The following DLC1 variants were observed in gnomAD, a reference collection of about 807,000 sequenced individuals.
DLC1 encodes the protein DLC1 Rho GTPase activating protein.
In DLC1, 54 loss-of-function variants were observed where a neutral mutation model predicts 140.3. The ratio of observed to expected loss-of-function variants is 0.38; its 90% confidence interval spans 0.31 to 0.48. The LOEUF is 0.48. DLC1 is among the 20% of genes least tolerant of loss of function. The pLI is 0.96. For missense variants in DLC1, 2,536 were observed against 1,907.0 expected (o/e 1.33, Z -6.14); for synonymous variants, 986 against 728.1 (o/e 1.35, Z -5.70).
At chr8:13,453,520 A>T (rs1009652111) in intron 2 of DLC1, among the ~76,000 whole-genome samples, 2 of 44,312 alleles carry the variant, frequency 4.5e-5, no homozygotes, top group Non-Finnish European at 8.2e-5. Flanking sequence ...ATATACATAT[A>T]TATATATGTA....
intron 5 of DLC1, among the ~76,000 whole-genome samples, chr8:13,297,704 A>G (rs1212247264): frequency 6.6e-6 from 1 of 152,200 alleles, no homozygotes; most frequent in Non-Finnish European, 1.5e-5. Context: ...CTTTCCAAAG[A>G]GAAGTCTGAA....
At chr8:13,535,245 G>A (rs1481687) in intron 1 of DLC1, among the ~76,000 whole-genome samples, 26,053 of 151,574 alleles carry the variant, frequency 0.17, 4,542 homozygotes, top group East Asian at 0.46. Context: ...ATCTCTGTGG[G>A]TGCGAGTGTG....
chr8:13,585,888 C>G (rs1446928372), intron 1 of DLC1, among the ~76,000 whole-genome samples: 4 of 152,136 alleles, frequency 2.6e-5, no homozygotes, highest in Admixed American at 2.6e-4. Flanking sequence ...TTCTGAAGTA[C>G]TTTTTCAGTG....
rs532774021 is a variant in DLC1 at position 13,251,943 on chromosome 8, T to C, written c.1348+53326A>G. Among the ~76,000 whole-genome samples, 38 of 152,242 alleles carry C rather than the reference T, an allele frequency of 2.5e-4. 1 individual carries two copies. In the South Asian group the frequency reaches 6.7e-3, roughly 27 times the overall value. ...CTTAATAATATACATTTTTATAAAGTTACATAAGGGAAATGGGATACCAGA... is the reference window on the plus strand; with the variant it reads ...CTTAATAATATACATTTTTATAAAGCTACATAAGGGAAATGGGATACCAGA... On this transcript the variant is annotated intron_variant, in intron 5 of 17. Transcript: ENST00000276297.
chr8:13,437,139 C>T (rs939036744), intron 2 of DLC1, among the ~76,000 whole-genome samples: 2 of 152,198 alleles, frequency 1.3e-5, no homozygotes, highest in Admixed American at 6.5e-5. Flanking sequence ...CTTCCTCTGT[C>T]TACGCCATTC....
rs572815602 is a variant in DLC1 at position 13,413,476 on chromosome 8, TTCTC to T, written c.1024-11861_1024-11858del. On this transcript the variant is annotated intron_variant, in intron 2 of 17. Transcript: ENST00000276297. ...ACAGACACATCCAATGCAAAATTAT[TTCTC>T]TGTGTGTGTGTGTGCACACATATAT... 1.5e-3 allele frequency among the ~76,000 whole-genome samples: 203 copies of T among 131,312 alleles called. 1 individual carries two copies. In the South Asian group the frequency reaches 0.022, roughly 14 times the overall value. 86.1% of individuals were successfully genotyped at this position (131,312 alleles called of 152,430 possible).
intron 5 of DLC1, among the ~76,000 whole-genome samples, chr8:13,262,690 T>C (rs1201510974): frequency 6.6e-6 from 1 of 152,182 alleles, no homozygotes; most frequent in Non-Finnish European, 1.5e-5. Flanking sequence ...CCTCCCAAGG[T>C]GCTGGGATTA....
intron 1 of DLC1, among the ~76,000 whole-genome samples, chr8:13,598,672 ATACT>A (rs1805762734): frequency 1.3e-5 from 2 of 152,022 alleles, no homozygotes; most frequent in African/African-American, 2.4e-5. Flanking sequence ...ACTCAATATA[ATACT>A]TACTATTATT....
Position 13,587,632 on chromosome 8 carries a change from C to CTA in DLC1, c.-126+16903_-126+16904dup, listed in dbSNP as rs527758286. Among the ~76,000 whole-genome samples, 40 of 138,436 alleles carry CTA rather than the reference C, an allele frequency of 2.9e-4. No homozygotes were observed. In the East Asian group the frequency reaches 6.7e-3, roughly 23 times the overall value. 90.8% of individuals were successfully genotyped at this position (138,436 alleles called of 152,430 possible). A position where few individuals can be genotyped will look rare whatever the true frequency, so the allele number is the denominator to read the frequency against. ...ATATATATATATATATATACATTGC[C>CTA]TATATATATATGTATGTTTATATAG... On this transcript the variant is annotated intron_variant, in intron 1 of 1. Transcript: ENST00000631382.
intron 5 of DLC1, among the ~76,000 whole-genome samples, chr8:13,129,604 A>G (rs1027789765): frequency 1.3e-5 from 2 of 152,232 alleles, no homozygotes; most frequent in African/African-American, 4.8e-5. Context: ...CTCTCCCACT[A>G]GATCCCAACT....
intron 5 of DLC1, among the ~76,000 whole-genome samples, chr8:13,146,444 T>C (rs1466474697): frequency 6.6e-6 from 1 of 152,052 alleles, no homozygotes; most frequent in Non-Finnish European, 1.5e-5. Context: ...CTAAAAATAA[T>C]AACTTTTTAA....
chr8:13,363,716 C>A (rs1470064584), intron 4 of DLC1, among the ~76,000 whole-genome samples: 2 of 152,066 alleles, frequency 1.3e-5, no homozygotes, highest in Non-Finnish European at 2.9e-5. Flanking sequence ...TATCCTACAA[C>A]TTTATTTTCC....
At chr8:13,194,502 G>T (rs1242747729) in intron 5 of DLC1, among the ~76,000 whole-genome samples, 2 of 152,296 alleles carry the variant, frequency 1.3e-5, no homozygotes, top group East Asian at 3.9e-4. Context: ...GTGTATCCTG[G>T]AATTGGATAT....
intron 4 of DLC1, among the ~76,000 whole-genome samples, chr8:13,382,896 A>G (rs946988746): frequency 6.6e-6 from 1 of 152,238 alleles, no homozygotes; most frequent in Admixed American, 6.5e-5. Context: ...AGAGAAAGAC[A>G]TATCTTGATG....
intron 5 of DLC1, among the ~76,000 whole-genome samples, chr8:13,285,444 G>A (rs1831505390): frequency 6.6e-6 from 1 of 152,146 alleles, no homozygotes; most frequent in East Asian, 1.9e-4. Flanking sequence ...AAAACTGTAA[G>A]ACTTGTAGAA....
Position 13,307,039 on chromosome 8 carries a change from A to G in DLC1, c.1315-1737T>C, listed in dbSNP as rs143142466. Among the ~76,000 whole-genome samples, 234 of 133,800 alleles carry G rather than the reference A, an allele frequency of 1.7e-3. 1 individual carries two copies. The East Asian group carries it at 0.042, about 24-fold the overall frequency. The allele number at this position is 133,800 out of a possible 152,430, so 87.8% of individuals were successfully genotyped here. ...ATAGAAGTTGCAGTGAGCCGAGACC[A>G]CACCATTGCACTCCATCCAGGGTGA... is the stretch of plus-strand genomic sequence containing the variant. On this transcript the variant is annotated intron_variant, in intron 4 of 17. Coordinates refer to ENST00000276297, the MANE Select transcript of DLC1 (RefSeq NM_182643.3).
intron 4 of DLC1, among the ~76,000 whole-genome samples, chr8:13,344,923 T>C (rs1165055503): frequency 6.6e-6 from 1 of 152,180 alleles, no homozygotes; most frequent in African/African-American, 2.4e-5. Context: ...CAACTTCTAA[T>C]TGTTTGATTA....
intron 4 of DLC1, among the ~76,000 whole-genome samples, chr8:13,359,729 G>T (rs114452106): frequency 6.6e-6 from 1 of 152,064 alleles, no homozygotes; most frequent in African/African-American, 2.4e-5. Context: ...ATATAATAAT[G>T]ACATAAAATG....
chr8:13,091,088 G>C lies in DLC1; in HGVS notation c.3855+230C>G, dbSNP rs549373956. 1.7e-4 allele frequency among the ~76,000 whole-genome samples: 26 copies of C among 152,220 alleles called. No homozygotes were observed. The South Asian group carries it at 5.2e-3, about 30-fold the overall frequency. ...CTCCCAAAGTGTTAGAATTACAGGC[G>C]TGAGCCACTGCGCCCGGCTGCTTTT... On this transcript the variant is annotated intron_variant, in intron 14 of 17. Coordinates refer to ENST00000276297, the MANE Select transcript of DLC1 (RefSeq NM_182643.3).
Sources: gnomAD v4.1 joint callset for allele counts (sites outside exome capture counted in the v4.1 genomes callset) on GRCh38, gnomAD v4.1.1 for gene constraint, MANE v1.5 for transcripts, NCBI Gene and HGNC (gene_info 2026-07-23, HGNC 2026-07-21) for gene names.